Variants in PKD1L3 observed in about 807,000 individuals in gnomAD.
PKD1L3 encodes polycystin-1-like protein 3.
PKD1L3 carries 239 observed loss-of-function variants against 184.1 expected under a neutral mutation model. That is an observed-to-expected ratio of 1.30 (90% CI 1.17 to 1.45). The LOEUF (loss-of-function observed/expected upper bound fraction) is 1.45. Ranked by LOEUF, PKD1L3 falls within the 40% of genes most tolerant of loss-of-function variation. The probability of loss-of-function intolerance (pLI) is 0.00; values close to 1 mark genes in which losing one functional copy is unlikely to be tolerated. For missense variants in PKD1L3, 2,660 were observed against 2,067.2 expected (o/e 1.29, Z -5.56); for synonymous variants, 996 against 778.8 (o/e 1.28, Z -4.64).
intron 22 of PKD1L3, 58 bp from the exon 23 acceptor site, chr16:71,944,228 A>C: frequency 6.9e-7 from 1 of 1,453,690 alleles, no homozygotes; most frequent in South Asian, 1.2e-5. Flanking sequence ...GCAGTCACTC[A>C]CCATTCATTG....
intron 4 of PKD1L3, among the ~76,000 whole-genome samples, chr16:71,988,566 G>T (rs1443496941): frequency 6.6e-6 from 1 of 152,200 alleles, no homozygotes; most frequent in Admixed American, 6.5e-5. Context: ...ATGGTGAGAA[G>T]GGGTTAGATT....
chr16:71,945,601 C>T (rs1212637996), intron 22 of PKD1L3, among the ~76,000 whole-genome samples: 1 of 151,592 alleles, frequency 6.6e-6, no homozygotes, highest in Non-Finnish European at 1.5e-5. Context: ...CTGCTTGAAT[C>T]TGGGAGGCAG....
chr16:71,942,634 A>T lies in PKD1L3; in HGVS notation c.4250T>A (p.Val1417Glu). The T allele has an allele frequency of 6.4e-7, 1 of 1,551,728 alleles. No individual in the cohort carries two copies. The highest frequency in any genetic ancestry group is 8.7e-7 in the Non-Finnish European group (1 of 1,147,022). The change falls in exon 24 of 30, where the codon GTG (valine) becomes GAG (glutamate). Residue 1417 changes from valine (V) to glutamate (E), a missense_variant. Val to Glu is a moderately radical substitution (Grantham distance 121, BLOSUM62 -2). Coordinates refer to ENST00000620267, the MANE Select transcript of PKD1L3 (RefSeq NM_181536.2). The part of the protein sequence containing the change: ...FSYICSPRPM[V>E]LIPTDELHER... The stretch of plus-strand genomic sequence containing the variant: ...GTGAAGCTCATCAGTGGGAATCAGC[A>T]CCATGGGCCTGGGTGAACAGATGTA...
chr16:71,951,508 T>C, intron 19 of PKD1L3, 56 bp downstream of exon 19: 7 of 1,478,200 alleles, frequency 4.7e-6, no homozygotes, highest in Admixed American at 2.2e-5. Context: ...GTAAGACATA[T>C]GCAAGGGAGT....
chr16:71,952,817 AAC>A, intron 18 of PKD1L3, 75 bp downstream of exon 18: 1 of 1,430,280 alleles, frequency 7.0e-7, no homozygotes, highest in South Asian at 1.3e-5. Context: ...CAGTCTGTGC[AAC>A]AGAGCCAGAC....
chr16:71,935,469 T>C lies in PKD1L3; in HGVS notation c.4502A>G (p.Asn1501Ser). The C allele has an allele frequency of 1.3e-6, 2 of 1,552,232 alleles. No homozygotes were observed. Among genetic ancestry groups the C allele is most frequent in the Non-Finnish European group, 1.7e-6 (2 of 1,147,078 alleles). Residue 1501 changes from asparagine to serine, a missense_variant, in exon 26 of 30, where the codon AAC (asparagine) becomes AGC (serine). By Grantham distance (46) the Asn-to-Ser change is conservative. Transcript: ENST00000620267. Reference sequence around the variant, plus strand: ...GAGGATTATACTTGTGTCCAGAATGTTTCTTTTCCCAGTGAAGAACCTCCA... The same window carrying C: ...GAGGATTATACTTGTGTCCAGAATGCTTCTTTTCCCAGTGAAGAACCTCCA... ...QKWRFFTGKR[N>S]ILDTSIILIS...
chr16:71,997,414 C>T (rs200989713), intron 2 of PKD1L3, among the ~76,000 whole-genome samples: 1 of 149,966 alleles, frequency 6.7e-6, no homozygotes, highest in Non-Finnish European at 1.5e-5. Context: ...TAACAAGACC[C>T]CCCCCCCCAC....
chr16:71,985,626 G>A (rs1439544681), intron 5 of PKD1L3, among the ~76,000 whole-genome samples: 1 of 152,036 alleles, frequency 6.6e-6, no homozygotes, highest in Admixed American at 6.6e-5. Flanking sequence ...ATAGAGAAAA[G>A]GTCTCATAAA....
intron 16 of PKD1L3, among the ~76,000 whole-genome samples, chr16:71,957,003 C>T (rs948219726): frequency 3.9e-5 from 6 of 152,098 alleles, no homozygotes; most frequent in Non-Finnish European, 2.9e-5. Flanking sequence ...GGGAAAGGAA[C>T]TGAGCTACAG....
chr16:71,995,355 G>A (rs1045437244), intron 2 of PKD1L3, among the ~76,000 whole-genome samples: 1 of 152,156 alleles, frequency 6.6e-6, no homozygotes, highest in South Asian at 2.1e-4. Flanking sequence ...AATAATTATG[G>A]AAAACATTTA....
At chr16:71,952,851 A>G (rs932079792) in intron 18 of PKD1L3, 43 bp downstream of exon 18, 1 of 1,507,042 alleles carries the variant, frequency 6.6e-7, no homozygotes, top group African/African-American at 1.4e-5. Flanking sequence ...ACAAACAAGC[A>G]GGCAATAAAA....
intron 25 of PKD1L3, among the ~76,000 whole-genome samples, chr16:71,936,341 T>G (rs1353997185): frequency 6.6e-6 from 1 of 150,898 alleles, no homozygotes; most frequent in Admixed American, 6.6e-5. Flanking sequence ...TAGCTGGGAC[T>G]ATAGGAGCCC....
chr16:71,935,595 G>A, intron 25 of PKD1L3, 77 bp from the exon 26 acceptor site: 1 of 1,350,504 alleles, frequency 7.4e-7, no homozygotes, highest in Non-Finnish European at 1.0e-6. Context: ...TGTGATGAAC[G>A]CAGCTGATGT....
chr16:71,959,303 A>G (rs8046159), intron 16 of PKD1L3, among the ~76,000 whole-genome samples: 71,103 of 151,702 alleles, frequency 0.47, 17,364 homozygotes, highest in Middle Eastern at 0.57. Context: ...CCAGCTGCTC[A>G]GGAGGCTGAG....
chr16:71,979,603 C>T (rs1349999686), intron 9 of PKD1L3, among the ~76,000 whole-genome samples, 183 bp downstream of exon 9: 1 of 152,230 alleles, frequency 6.6e-6, no homozygotes, highest in Non-Finnish European at 1.5e-5. Context: ...CCAACTTCTA[C>T]AGTGGATCAT....
At position 71,952,966 on chromosome 16, in the gene PKD1L3, G is replaced by A; in HGVS notation, c.2937C>T (p.Leu979=). 5 of 1,550,472 alleles carry A rather than the reference G, an allele frequency of 3.2e-6. No individual in the cohort carries two copies. The highest frequency in any genetic ancestry group is 4.4e-6 in the Non-Finnish European group (5 of 1,146,530). Residue 979 remains leucine, a synonymous_variant, in exon 18 of 30, where the codon CTC becomes CTT. Transcript: ENST00000620267. The part of the protein sequence containing the change: ...PLIEPQETLP[L]FPPIQASCLS... ...GGCAGGAGGCCTGGATGGGAGGAAAGAGGGGCAGAGTCTCCTGTGGCTCAA... is the reference window on the plus strand; with the variant it reads ...GGCAGGAGGCCTGGATGGGAGGAAAAAGGGGCAGAGTCTCCTGTGGCTCAA...
intron 21 of PKD1L3, 103 bp from the exon 22 acceptor site, chr16:71,947,694 AT>A (rs973243893): frequency 1.4e-6 from 1 of 728,316 alleles, no homozygotes; most frequent in African/African-American, 1.8e-5. Flanking sequence ...AACTTCAATT[AT>A]TTGGCTCTTC....
At chr16:71,946,813 G>C in intron 22 of PKD1L3, among the ~76,000 whole-genome samples, 1 of 310 alleles carries the variant, frequency 3.2e-3, no homozygotes, top group African/African-American at 0.038. Flanking sequence ...TCATGAGAGA[G>C]GGGGAGGAGG....
chr16:71,994,771 A>G (rs927477152), intron 2 of PKD1L3, among the ~76,000 whole-genome samples: 12 of 151,880 alleles, frequency 7.9e-5, no homozygotes, highest in African/African-American at 2.9e-4. Context: ...GGCCGAGGAG[A>G]CTGTATCACC....
Sources: gnomAD v4.1 joint callset for allele counts (sites outside exome capture counted in the v4.1 genomes callset) on GRCh38, gnomAD v4.1.1 for gene constraint, MANE v1.5 for transcripts, NCBI Gene and HGNC (gene_info 2026-07-23, HGNC 2026-07-21) for gene names.